Variants in MARCHF5 observed in about 807,000 individuals in gnomAD.
MARCHF5 encodes the protein E3 ubiquitin-protein ligase MARCHF5.
MARCHF5 carries 5 observed loss-of-function variants against 36.5 expected under a neutral mutation model. The observed-to-expected ratio is 0.14, with a 90% CI of 0.07 to 0.29. The LOEUF (loss-of-function observed/expected upper bound fraction) is 0.29. Ranked by LOEUF, MARCHF5 falls within the 10% of genes least tolerant of loss-of-function variation. The pLI, the probability that MARCHF5 is intolerant of heterozygous loss-of-function variation, is 1.00. For missense variants in MARCHF5, 179 were observed against 336.3 expected, an observed-to-expected ratio of 0.53 and a Z score of 3.66; for synonymous variants, 103 against 109.9, an observed-to-expected ratio of 0.94 and a Z score of 0.39.
chr10:92,351,226 C>A lies in MARCHF5; in HGVS notation c.*19C>A. The A allele has an allele frequency of 1.4e-6, 2 of 1,403,944 alleles. No individual in the cohort carries two copies. Among genetic ancestry groups the A allele is most frequent in the South Asian group, 1.2e-5 (1 of 84,948 alleles). 87.0% of individuals were successfully genotyped at this position (1,403,944 alleles called of 1,614,324 possible). A position where few individuals can be genotyped will look rare whatever the true frequency, so the allele number is the denominator to read the frequency against. ...AGCATAAAACTGACTTCTGGTTGTT[C>A]TGCAGTTCTCTCATCCTTATGAATC... On this transcript the variant is annotated 3_prime_UTR_variant, in exon 6 of 6. Coordinates refer to ENST00000358935, the MANE Select transcript of MARCHF5 (RefSeq NM_017824.5).
At chr10:92,307,204 TGTGTGTGTGC>T (rs770226466) in intron 1 of MARCHF5, among the ~76,000 whole-genome samples, 1,218 of 110,904 alleles carry the variant, frequency 0.011, 8 homozygotes, top group African/African-American at 0.014. Flanking sequence ...TGTGTGTGTG[TGTGTGTGTGC>T]GCGTGCATGC....
At chr10:92,306,740 G>T (rs970726475) in intron 1 of MARCHF5, among the ~76,000 whole-genome samples, 1 of 152,120 alleles carries the variant, frequency 6.6e-6, no homozygotes, top group East Asian at 1.9e-4. Flanking sequence ...ATGGGCAGGC[G>T]CAGTGGCTCA....
chr10:92,311,745 AAGT>A (rs1296870731), intron 2 of MARCHF5, among the ~76,000 whole-genome samples: 4 of 152,228 alleles, frequency 2.6e-5, no homozygotes, highest in East Asian at 1.9e-4. Flanking sequence ...TAAGGAATAA[AAGT>A]AGAGAAATTA....
intron 1 of MARCHF5, among the ~76,000 whole-genome samples, chr10:92,303,967 C>G (rs1184745083): frequency 6.6e-6 from 1 of 152,128 alleles, no homozygotes; most frequent in Non-Finnish European, 1.5e-5. Flanking sequence ...TATGCCCCAA[C>G]TTGGTGAATA....
chr10:92,335,943 A>G (rs571839489), intron 2 of MARCHF5, among the ~76,000 whole-genome samples: 1 of 152,368 alleles, frequency 6.6e-6, no homozygotes, highest in East Asian at 1.9e-4. Flanking sequence ...AGTACAAGAC[A>G]ATTCAGTTCA....
At chr10:92,326,501 T>C (rs1272700102) in intron 2 of MARCHF5, among the ~76,000 whole-genome samples, 1 of 152,290 alleles carries the variant, frequency 6.6e-6, no homozygotes, top group East Asian at 1.9e-4. Context: ...GGATAAGTAG[T>C]TTCTAGTACC....
intron 2 of MARCHF5, among the ~76,000 whole-genome samples, chr10:92,328,887 A>G (rs1315818025): frequency 4.0e-5 from 6 of 150,592 alleles, no homozygotes; most frequent in Admixed American, 3.3e-4. Context: ...TCACATCACA[A>G]GGCACATAAT....
chr10:92,297,915 G>A (rs1842967054), intron 1 of MARCHF5, among the ~76,000 whole-genome samples: 1 of 151,970 alleles, frequency 6.6e-6, no homozygotes, highest in South Asian at 2.1e-4. Context: ...GTGTACTGAA[G>A]GGCTGGGTGC....
intron 2 of MARCHF5, among the ~76,000 whole-genome samples, chr10:92,321,959 G>T (rs1290646233): frequency 6.6e-6 from 1 of 151,214 alleles, no homozygotes; most frequent in Non-Finnish European, 1.5e-5. Context: ...GATTTGTCAG[G>T]GTTGGCCAGG....
In MARCHF5 at chr10:92,347,168, A is replaced by G. The variant is rs889698040; in HGVS notation, c.370-2181A>G. On this transcript the variant is annotated intron_variant, in intron 3 of 5. Coordinates refer to ENST00000358935, the MANE Select transcript of MARCHF5 (RefSeq NM_017824.5). ...AAGCCAACCTGGGAAACGTAGCAAG[A>G]CCCTGTCTTTTTTTTTCTTTAAAGG... is the stretch of plus-strand genomic sequence containing the variant. Among the ~76,000 whole-genome samples the G allele has an allele frequency of 1.9e-4, 8 of 42,578 alleles. No homozygotes were observed. In the South Asian group the frequency reaches 0.01, roughly 55 times the overall value. 27.9% of individuals were successfully genotyped at this position (42,578 alleles called of 152,430 possible).
At chr10:92,328,073 G>A (rs529119182) in intron 2 of MARCHF5, among the ~76,000 whole-genome samples, 2 of 152,234 alleles carry the variant, frequency 1.3e-5, no homozygotes, top group African/African-American at 4.8e-5. Context: ...ACAAATTCCA[G>A]TTGAGGGATA....
intron 5 of MARCHF5, among the ~76,000 whole-genome samples, 162 bp from the exon 6 acceptor site, chr10:92,350,929 C>A (rs1843707526): frequency 6.6e-6 from 1 of 152,136 alleles, no homozygotes; most frequent in Admixed American, 6.5e-5. Flanking sequence ...GTCTCTCTCC[C>A]TATCTCATCT....
At chr10:92,350,108 A>ACTATCCAGTTTAGC (rs1554950254) in intron 5 of MARCHF5, 2 of 371,416 alleles carry the variant, frequency 5.4e-6, no homozygotes, top group Admixed American at 4.4e-5. Context: ...CAGTGGGATT[A>ACTATCCAGTTTAGC]CAGTACTTTA....
chr10:92,307,212 T>TGTGTGC (rs1024565926), intron 1 of MARCHF5, among the ~76,000 whole-genome samples: 4 of 41,562 alleles, frequency 9.6e-5, no homozygotes, highest in African/African-American at 3.1e-4. Flanking sequence ...TGTGTGTGTG[T>TGTGTGC]GCGCGTGCAT....
intron 1 of MARCHF5, among the ~76,000 whole-genome samples, chr10:92,292,029 C>A (rs986299905): frequency 6.6e-6 from 1 of 151,168 alleles, no homozygotes; most frequent in Admixed American, 6.6e-5. Context: ...CCGTCCCCCC[C>A]GCCCCATCCC....
At position 92,351,327 on chromosome 10, in the gene MARCHF5, G is replaced by A; in HGVS notation, c.*120G>A. On this transcript the variant is annotated 3_prime_UTR_variant, in exon 6 of 6. Coordinates refer to ENST00000358935, the MANE Select transcript of MARCHF5 (RefSeq NM_017824.5). ...AAGCTGCTGCTCCTATATTTTTTAA[G>A]AAATATAATAAAGCACTTAGGGCAG... 1.6e-6 allele frequency: 1 copy of A among 616,588 alleles called. No homozygotes were observed. Among genetic ancestry groups the A allele is most frequent in the Non-Finnish European group, 2.8e-6 (1 of 352,418 alleles). 38.2% of individuals were successfully genotyped at this position (616,588 alleles called of 1,614,324 possible). A position where few individuals can be genotyped will look rare whatever the true frequency, so the allele number is the denominator to read the frequency against.
At chr10:92,294,920 T>C (rs1312481501) in intron 1 of MARCHF5, among the ~76,000 whole-genome samples, 1 of 152,078 alleles carries the variant, frequency 6.6e-6, no homozygotes, top group Admixed American at 6.6e-5. Context: ...ATGCCTGTGG[T>C]CCCAAATATT....
chr10:92,318,619 A>G (rs761190899), intron 2 of MARCHF5, among the ~76,000 whole-genome samples: 1 of 151,300 alleles, frequency 6.6e-6, no homozygotes, highest in Non-Finnish European at 1.5e-5. Context: ...GCTACAAACA[A>G]TAAAGGGAGA....
At chr10:92,333,879 G>A (rs1843469079) in intron 2 of MARCHF5, among the ~76,000 whole-genome samples, 1 of 152,094 alleles carries the variant, frequency 6.6e-6, no homozygotes, top group Non-Finnish European at 1.5e-5. Flanking sequence ...TGGGGTTGGT[G>A]TCTTAGCTTT....
Sources: gnomAD v4.1 joint callset for allele counts (sites outside exome capture counted in the v4.1 genomes callset) on GRCh38, gnomAD v4.1.1 for gene constraint, MANE v1.5 for transcripts, NCBI Gene and HGNC (gene_info 2026-07-23, HGNC 2026-07-21) for gene names.